Variants in PARD3 observed in about 807,000 individuals in gnomAD.
PARD3 encodes the protein par-3 family cell polarity regulator, also known as partitioning defective 3 homolog.
PARD3 carries 75 observed loss-of-function variants against 155.4 expected under a neutral mutation model. The observed-to-expected ratio is 0.48, with a 90% CI of 0.40 to 0.58. The LOEUF (loss-of-function observed/expected upper bound fraction) is 0.58. Among genes scored for constraint, PARD3 ranks in the 20% least tolerant of loss-of-function variants. The pLI is 0.00. For missense variants in PARD3, 1,642 were observed against 1,721.7 expected (o/e 0.95, Z 0.82); for synonymous variants, 576 against 610.5 (o/e 0.94, Z 0.83).
At chr10:34,448,930 T>C (rs1348722093) in intron 5 of PARD3, among the ~76,000 whole-genome samples, 2 of 150,248 alleles carry the variant, frequency 1.3e-5, no homozygotes, top group Admixed American at 1.3e-4. Flanking sequence ...TTTTTTTTTT[T>C]TTTTTTGAGA....
chr10:34,762,290 C>CAGAG (rs112792993), intron 1 of PARD3, among the ~76,000 whole-genome samples: 164 of 145,476 alleles, frequency 1.1e-3, no homozygotes, highest in African/African-American at 1.7e-3. Flanking sequence ...GACAGAGAGA[C>CAGAG]AGAGAGAGAG....
intron 24 of PARD3, among the ~76,000 whole-genome samples, chr10:34,117,303 A>C (rs12245909): frequency 0.072 from 11,008 of 152,194 alleles, 931 homozygotes; most frequent in African/African-American, 0.2. Flanking sequence ...TGCCCTGACA[A>C]CACCATCCAC....
intron 2 of PARD3, among the ~76,000 whole-genome samples, chr10:34,639,959 T>C (rs1009590571): frequency 6.6e-6 from 1 of 152,184 alleles, no homozygotes; most frequent in Non-Finnish European, 1.5e-5. Flanking sequence ...ATGGGTTATA[T>C]TCATTAAACA....
At chr10:34,349,865 A>G (rs1370007306) in intron 14 of PARD3, among the ~76,000 whole-genome samples, 1 of 152,170 alleles carries the variant, frequency 6.6e-6, no homozygotes, top group Admixed American at 6.5e-5. Flanking sequence ...AGAAATCCCT[A>G]AATATCCCAA....
intron 7 of PARD3, among the ~76,000 whole-genome samples, chr10:34,394,706 A>C (rs2132122101): frequency 6.6e-6 from 1 of 152,286 alleles, no homozygotes; most frequent in Admixed American, 6.5e-5. Flanking sequence ...TATATACTTA[A>C]CATTATATCA....
chr10:34,249,587 A>T (rs933262774), intron 22 of PARD3, among the ~76,000 whole-genome samples: 1 of 151,962 alleles, frequency 6.6e-6, no homozygotes, highest in African/African-American at 2.4e-5. Context: ...TAGATTAGCT[A>T]CTCTCCCCCA....
chr10:34,411,462 G>A (rs905848379), intron 5 of PARD3, among the ~76,000 whole-genome samples: 2 of 150,658 alleles, frequency 1.3e-5, no homozygotes, highest in Admixed American at 6.6e-5. Flanking sequence ...CAATCATTTG[G>A]AGACCTGAAT....
chr10:34,124,497 T>C (rs945942264), intron 23 of PARD3, among the ~76,000 whole-genome samples: 15 of 152,220 alleles, frequency 9.9e-5, no homozygotes, highest in Non-Finnish European at 1.8e-4. Flanking sequence ...AATTATTTTC[T>C]TCAGTAGACT....
At chr10:34,632,202 T>C (rs747205029) in intron 2 of PARD3, among the ~76,000 whole-genome samples, 3 of 152,180 alleles carry the variant, frequency 2.0e-5, no homozygotes, top group Non-Finnish European at 2.9e-5. Flanking sequence ...GAGATTGCAG[T>C]GAGCCGAGAT....
At position 34,269,709 on chromosome 10, in the gene PARD3, A is replaced by G. The variant is rs771240413; in HGVS notation, c.3367T>C (p.Leu1123=). The G allele has an allele frequency of 2.5e-6, 4 of 1,614,024 alleles. No individual in the cohort carries two copies. Among genetic ancestry groups the G allele is most frequent in the Non-Finnish European group, 3.4e-6 (4 of 1,179,960 alleles). Residue 1123 remains leucine (L), a synonymous_variant, in exon 22 of 25, where the codon TTG becomes CTG. Coordinates refer to ENST00000374788, the MANE Select transcript of PARD3 (RefSeq NM_001184785.2). ...CGCGGCTTCTTGACTTGGGCATACA[A>G]AGCATCCATCATATGCCCTTCTCGT... ...SPREGHMMDA[L]YAQVKKPRNS... is the part of the protein sequence containing the mutation.
chr10:34,281,382 G>A lies in PARD3; in HGVS notation c.3176+2753C>T, dbSNP rs79339241. 2.7e-3 allele frequency among the ~76,000 whole-genome samples: 406 copies of A among 152,226 alleles called. 1 individual carries two copies. Among genetic ancestry groups the A allele is most frequent in the African/African-American group, 9.2e-3 (384 of 41,542 alleles). ...AATGAGAAGTCAAAAATAGCATGTC[G>A]GAAAACCTGTTAACTTCCCCCTTGG... On this transcript the variant is annotated intron_variant, in intron 21 of 24. Coordinates refer to ENST00000374788, the MANE Select transcript of PARD3 (RefSeq NM_001184785.2).
At chr10:34,777,248 A>C (rs941015946) in intron 1 of PARD3, among the ~76,000 whole-genome samples, 3 of 151,706 alleles carry the variant, frequency 2.0e-5, no homozygotes, top group Non-Finnish European at 4.4e-5. Flanking sequence ...AGGACTCTAC[A>C]CTCAGTCCTT....
At chr10:34,806,685 C>T (rs927381344) in intron 1 of PARD3, among the ~76,000 whole-genome samples, 5 of 152,204 alleles carry the variant, frequency 3.3e-5, no homozygotes, top group Non-Finnish European at 7.3e-5. Context: ...ACCTGGAGAG[C>T]AAGCCCCGTC....
chr10:34,336,366 T>A, intron 17 of PARD3, 123 bp from the exon 18 acceptor site: 1 of 666,210 alleles, frequency 1.5e-6, no homozygotes, highest in South Asian at 1.9e-5. Flanking sequence ...GCAAATACTA[T>A]GAAACATCAA....
At position 34,227,854 on chromosome 10, in the gene PARD3, T is replaced by TATATATATATATATA. The variant is rs1952683542; in HGVS notation, c.3419+41802_3419+41803insTATATATATATATAT. ...TATATTCCCAGTAATGGGAATTATT[T>TATATATATATATATA]TTTATATATATATATATATATATAT... On this transcript the variant is annotated intron_variant, in intron 22 of 24. Transcript: ENST00000374788. 4.6e-3 allele frequency among the ~76,000 whole-genome samples: 123 copies of TATATATATATATATA among 26,466 alleles called. 8 individuals carry two copies. Among genetic ancestry groups the TATATATATATATATA allele is most frequent in the African/African-American group, 8.7e-3 (116 of 13,272 alleles). 17.4% of individuals were successfully genotyped at this position (26,466 alleles called of 152,430 possible).
intron 2 of PARD3, among the ~76,000 whole-genome samples, chr10:34,684,437 C>T (rs1294503224): frequency 6.6e-6 from 1 of 152,134 alleles, no homozygotes; most frequent in Non-Finnish European, 1.5e-5. Context: ...CTAACAGCTC[C>T]AAGACACTCA....
chr10:34,642,004 C>T lies in PARD3; in HGVS notation c.222+54314G>A, dbSNP rs570047083. The stretch of plus-strand genomic sequence containing the variant: ...TAATGAACACCTAAGGTCCCAGGGC[C>T]GAGGGGTAGCACTGGGACACTGCCC... On this transcript the variant is annotated intron_variant, in intron 2 of 24. Transcript: ENST00000374788. Among the ~76,000 whole-genome samples the T allele has an allele frequency of 2.0e-5, 3 of 152,200 alleles. No homozygotes were observed. The South Asian group carries it at 6.2e-4, about 32-fold the overall frequency.
At chr10:34,480,809 T>C (rs1329276707) in intron 3 of PARD3, among the ~76,000 whole-genome samples, 1 of 148,138 alleles carries the variant, frequency 6.8e-6, no homozygotes, top group Non-Finnish European at 1.5e-5. Context: ...TTTTTTTTTT[T>C]TTTTCTTTTT....
At chr10:34,379,836 G>A (rs1308088428) in intron 9 of PARD3, among the ~76,000 whole-genome samples, 1 of 152,028 alleles carries the variant, frequency 6.6e-6, no homozygotes, top group Non-Finnish European at 1.5e-5. Flanking sequence ...TAAATATTAA[G>A]AAATCATAAT....
Sources: allele counts gnomAD v4.1 joint callset (sites outside exome capture counted in the v4.1 genomes callset), GRCh38; gene constraint gnomAD v4.1.1; transcripts MANE v1.5; gene names NCBI Gene and HGNC (gene_info 2026-07-23, HGNC 2026-07-21).